The following SIAH3 variants were observed in gnomAD, a reference collection of about 807,000 sequenced individuals.
SIAH3 encodes siah E3 ubiquitin protein ligase family member 3.
Under a neutral mutation model 12.6 loss-of-function variants are expected in SIAH3, and 9 were observed. The observed-to-expected ratio is 0.72, with a 90% CI of 0.43 to 1.25. The LOEUF (loss-of-function observed/expected upper bound fraction) is 1.25. Among genes scored for constraint, SIAH3 ranks in the 50% most tolerant of loss-of-function variants. The pLI is 0.00. For missense variants in SIAH3, 390 were observed against 365.4 expected, an observed-to-expected ratio of 1.07 and a Z score of -0.55; for synonymous variants, 154 against 151.1, an observed-to-expected ratio of 1.02 and a Z score of -0.14.
At chr13:45,797,681 G>A (rs895000110) in intron 1 of SIAH3, among the ~76,000 whole-genome samples, 9 of 152,154 alleles carry the variant, frequency 5.9e-5, no homozygotes, top group African/African-American at 1.9e-4. Context: ...CTGAGATTCT[G>A]CATTTCTAAC....
chr13:45,810,863 T>C lies in SIAH3; in HGVS notation c.136-26806A>G, dbSNP rs575128672. 8.4e-4 allele frequency among the ~76,000 whole-genome samples: 128 copies of C among 152,164 alleles called. 1 individual carries two copies. In the South Asian group the frequency reaches 0.018, roughly 21 times the overall value. On this transcript the variant is annotated intron_variant, in intron 1 of 1. Transcript: ENST00000400405. The stretch of plus-strand genomic sequence containing the variant: ...TGTCTGCATGCATGGGGCCTGGAAA[T>C]GCCTGGGGTGAACTTTGCAGAAAGC...
intron 1 of SIAH3, among the ~76,000 whole-genome samples, chr13:45,824,460 A>G (rs1246346594): frequency 6.6e-6 from 1 of 152,290 alleles, no homozygotes; most frequent in East Asian, 1.9e-4. Context: ...CATACCCCTC[A>G]CCTGTCACTG....
intron 1 of SIAH3, among the ~76,000 whole-genome samples, chr13:45,840,718 G>A (rs1950736991): frequency 6.6e-6 from 1 of 152,116 alleles, no homozygotes; most frequent in Admixed American, 6.5e-5. Context: ...AATAAGACAG[G>A]GTCCCAGCTC....
At chr13:45,833,463 A>G (rs1950706826) in intron 1 of SIAH3, among the ~76,000 whole-genome samples, 1 of 150,182 alleles carries the variant, frequency 6.7e-6, no homozygotes, top group African/African-American at 2.5e-5. Flanking sequence ...CTTTGCAAGA[A>G]ATTACACACA....
At chr13:45,788,597 A>G (rs554825868) in intron 1 of SIAH3, among the ~76,000 whole-genome samples, 1 of 152,342 alleles carries the variant, frequency 6.6e-6, no homozygotes, top group Non-Finnish European at 1.5e-5. Context: ...TTGAATTTAA[A>G]AAACATTCCT....
At position 45,826,902 on chromosome 13, in the gene SIAH3, T is replaced by A. The variant is rs781618626; in HGVS notation, c.135+24593A>T. Among the ~76,000 whole-genome samples the A allele has an allele frequency of 2.0e-5, 3 of 152,260 alleles. No individual in the cohort carries two copies. In the South Asian group the frequency reaches 6.2e-4, roughly 32 times the overall value. On this transcript the variant is annotated intron_variant, in intron 1 of 1. Coordinates refer to ENST00000400405, the MANE Select transcript of SIAH3 (RefSeq NM_198849.3). ...ACCCAGACCAACCCTGACCTGGTGA[T>A]CCCCTAGGACTGTCTCTGGGCGATG...
intron 1 of SIAH3, among the ~76,000 whole-genome samples, chr13:45,794,231 T>C (rs1017709582): frequency 6.6e-6 from 1 of 152,140 alleles, no homozygotes; most frequent in African/African-American, 2.4e-5. Flanking sequence ...TAGCTGGGAC[T>C]ACAGGCACTG....
intron 1 of SIAH3, among the ~76,000 whole-genome samples, chr13:45,801,095 C>CGGA (rs1950580374): frequency 8.8e-6 from 1 of 114,124 alleles, no homozygotes. Context: ...TGATGGGTGG[C>CGGA]GGGGGGGGGC....
At chr13:45,797,900 A>G (rs1950568604) in intron 1 of SIAH3, among the ~76,000 whole-genome samples, 1 of 152,186 alleles carries the variant, frequency 6.6e-6, no homozygotes, top group Non-Finnish European at 1.5e-5. Flanking sequence ...AAGTCCCTGC[A>G]GGGTCCATGG....
At chr13:45,847,991 G>A (rs910159721) in intron 1 of SIAH3, among the ~76,000 whole-genome samples, 3 of 152,116 alleles carry the variant, frequency 2.0e-5, no homozygotes, top group Non-Finnish European at 4.4e-5. Flanking sequence ...GGCTGCCCAG[G>A]GCAGGGCGCT....
chr13:45,840,040 C>A (rs1354989785), intron 1 of SIAH3, among the ~76,000 whole-genome samples: 1 of 152,060 alleles, frequency 6.6e-6, no homozygotes, highest in African/African-American at 2.4e-5. Context: ...GGTGGATCCC[C>A]TGAGGTAAGG....
chr13:45,818,709 T>C (rs1361134645), intron 1 of SIAH3, among the ~76,000 whole-genome samples: 1 of 152,216 alleles, frequency 6.6e-6, no homozygotes, highest in African/African-American at 2.4e-5. Flanking sequence ...ATCTCCCTCT[T>C]GTAAGAGCGA....
At chr13:45,800,758 T>TGAATAA (rs1444885611) in intron 1 of SIAH3, among the ~76,000 whole-genome samples, 1 of 152,310 alleles carries the variant, frequency 6.6e-6, no homozygotes, top group East Asian at 1.9e-4. Context: ...CTAGTACAAA[T>TGAATAA]GAATAATTGT....
At position 45,782,133 on chromosome 13, in the gene SIAH3, T is replaced by G. The variant is rs1328561723; in HGVS notation, c.*1250A>C. 6.6e-6 allele frequency: 1 copy of G among 152,212 alleles called. No individual in the cohort carries two copies. Among genetic ancestry groups the G allele is most frequent in the Admixed American group, 6.5e-5 (1 of 15,290 alleles). 9.4% of individuals were successfully genotyped at this position (152,212 alleles called of 1,614,324 possible). The stretch of plus-strand genomic sequence containing the variant: ...GACTTTCTTCAAATACACGAGAGAC[T>G]TCTACAAGAAGATGTTGATGAATTG... On this transcript the variant is annotated 3_prime_UTR_variant, in exon 2 of 2. Coordinates refer to ENST00000400405, the MANE Select transcript of SIAH3 (RefSeq NM_198849.3).
Position 45,801,095 on chromosome 13 carries a change from C to CGGGG in SIAH3, c.136-17042_136-17039dup, listed in dbSNP as rs56007987. On this transcript the variant is annotated intron_variant, in intron 1 of 1. Coordinates refer to ENST00000400405, the MANE Select transcript of SIAH3 (RefSeq NM_198849.3). ...GGACACTGGGTGAAGTGATGGGTGG[C>CGGGG]GGGGGGGGGCATGGCTGTAGACGTT... 1.3e-3 allele frequency among the ~76,000 whole-genome samples: 150 copies of CGGGG among 114,150 alleles called. 2 individuals are homozygous for CGGGG. Among genetic ancestry groups the CGGGG allele is most frequent in the African/African-American group, 3.8e-3 (115 of 30,558 alleles). 74.9% of individuals were successfully genotyped at this position (114,150 alleles called of 152,430 possible).
In SIAH3 at chr13:45,806,861, A is replaced by G. The variant is rs80126617; in HGVS notation, c.136-22804T>C. Among the ~76,000 whole-genome samples, 277 of 152,348 alleles carry G rather than the reference A, an allele frequency of 1.8e-3. 1 individual carries two copies. Among genetic ancestry groups the G allele is most frequent in the African/African-American group, 6.3e-3 (264 of 41,590 alleles). ...ACACTCTGGAAGCATCACTGAAATC[A>G]GAAACAAACCATGAATGTTCACTAT... On this transcript the variant is annotated intron_variant, in intron 1 of 1. Coordinates refer to ENST00000400405, the MANE Select transcript of SIAH3 (RefSeq NM_198849.3).
At chr13:45,819,803 G>A (rs1246588025) in intron 1 of SIAH3, among the ~76,000 whole-genome samples, 1 of 152,058 alleles carries the variant, frequency 6.6e-6, no homozygotes, top group Admixed American at 6.6e-5. Context: ...CCACTTCCAG[G>A]GCCTGCAGGA....
chr13:45,847,388 G>A (rs1427425393), intron 1 of SIAH3, among the ~76,000 whole-genome samples: 1 of 152,146 alleles, frequency 6.6e-6, no homozygotes, highest in African/African-American at 2.4e-5. Flanking sequence ...AAATGGCAAA[G>A]GTGGGCACAC....
intron 1 of SIAH3, among the ~76,000 whole-genome samples, chr13:45,787,837 G>A (rs749732071): frequency 3.9e-5 from 6 of 152,180 alleles, no homozygotes; most frequent in South Asian, 2.1e-4. Context: ...TGCCCCCTAC[G>A]CCCAGCAGCA....
Sources: gnomAD v4.1 joint callset for allele counts (sites outside exome capture counted in the v4.1 genomes callset) on GRCh38, gnomAD v4.1.1 for gene constraint, MANE v1.5 for transcripts, NCBI Gene and HGNC (gene_info 2026-07-23, HGNC 2026-07-21) for gene names.